Variants in ADCY8 observed in about 807,000 individuals in gnomAD.
ADCY8 encodes the protein adenylate cyclase type 8.
In ADCY8, 51 loss-of-function variants were observed where a neutral mutation model predicts 119.7. The observed-to-expected ratio is 0.43, with a 90% CI of 0.34 to 0.54. ADCY8 has a LOEUF of 0.54. Ranked by LOEUF, ADCY8 falls within the 20% of genes least tolerant of loss-of-function variation. The probability of loss-of-function intolerance (pLI) is 0.03; values close to 1 mark genes in which losing one functional copy is unlikely to be tolerated. For synonymous variants in ADCY8, 665 were observed against 651.0 expected, an observed-to-expected ratio of 1.02 and a Z score of -0.33; for missense variants, 1,383 against 1,598.8, an observed-to-expected ratio of 0.87 and a Z score of 2.30.
intron 9 of ADCY8, among the ~76,000 whole-genome samples, chr8:130,860,984 T>C (rs1255406975): frequency 6.6e-6 from 1 of 152,220 alleles, no homozygotes; most frequent in Non-Finnish European, 1.5e-5. Flanking sequence ...CTCCATGGAA[T>C]TTTCTTAACA....
At chr8:130,950,865 A>G (rs1821248170) in intron 3 of ADCY8, among the ~76,000 whole-genome samples, 1 of 152,016 alleles carries the variant, frequency 6.6e-6, no homozygotes, top group African/African-American at 2.4e-5. Context: ...ATACTCAGCT[A>G]ATTTTTGTAT....
intron 12 of ADCY8, among the ~76,000 whole-genome samples, chr8:130,823,072 T>C (rs166403): frequency 0.84 from 128,279 of 152,136 alleles, 54,412 homozygotes; most frequent in African/African-American, 0.93. Context: ...CTGCTCTGCC[T>C]GGCACTTTGG....
chr8:130,805,952 T>C (rs1815936869), intron 14 of ADCY8, among the ~76,000 whole-genome samples: 1 of 152,166 alleles, frequency 6.6e-6, no homozygotes, highest in Admixed American at 6.5e-5. Context: ...CCCACAATTG[T>C]CTCGAGGTCC....
intron 2 of ADCY8, among the ~76,000 whole-genome samples, chr8:130,975,752 T>G (rs754956559): frequency 2.6e-5 from 4 of 152,212 alleles, no homozygotes; most frequent in African/African-American, 4.8e-5. Context: ...CTAACTCTAT[T>G]GTCTATGTAG....
intron 13 of ADCY8, among the ~76,000 whole-genome samples, chr8:130,821,131 T>C (rs1005151144): frequency 6.6e-6 from 1 of 152,248 alleles, no homozygotes; most frequent in Non-Finnish European, 1.5e-5. Context: ...TTGAAAGAGA[T>C]GTATCCAAAG....
At chr8:130,852,401 A>T (rs774143535) in intron 9 of ADCY8, among the ~76,000 whole-genome samples, 4 of 152,132 alleles carry the variant, frequency 2.6e-5, no homozygotes, top group Non-Finnish European at 5.9e-5. Flanking sequence ...CTTCCCTCCA[A>T]ACAGGCTGGA....
chr8:130,958,382 C>T (rs757414342), intron 2 of ADCY8, among the ~76,000 whole-genome samples: 2 of 152,120 alleles, frequency 1.3e-5, no homozygotes, highest in African/African-American at 4.8e-5. Context: ...CTCGTGGAGA[C>T]CTCCCCTTAT....
intron 2 of ADCY8, among the ~76,000 whole-genome samples, chr8:130,961,998 A>G (rs1405783319): frequency 6.6e-6 from 1 of 152,178 alleles, no homozygotes; most frequent in Non-Finnish European, 1.5e-5. Context: ...ACATTATTAA[A>G]TAGTCTTTAA....
chr8:130,809,856 C>T (rs990938811), intron 14 of ADCY8, among the ~76,000 whole-genome samples: 1 of 152,208 alleles, frequency 6.6e-6, no homozygotes, highest in Non-Finnish European at 1.5e-5. Context: ...TCAGCATACC[C>T]CTGGCTGCTG....
chr8:130,977,125 C>T (rs1291694961), intron 2 of ADCY8, among the ~76,000 whole-genome samples: 1 of 152,206 alleles, frequency 6.6e-6, no homozygotes, highest in African/African-American at 2.4e-5. Context: ...TATCTCCTCA[C>T]ATTGCCTGGA....
At chr8:130,797,210 T>G (rs1434307686) in intron 15 of ADCY8, among the ~76,000 whole-genome samples, 1 of 151,984 alleles carries the variant, frequency 6.6e-6, no homozygotes, top group African/African-American at 2.4e-5. Context: ...TAAACTGTCT[T>G]AAAACATTAT....
chr8:130,868,048 A>C, intron 8 of ADCY8, 102 bp from the exon 9 acceptor site: 1 of 689,472 alleles, frequency 1.5e-6, no homozygotes, highest in Non-Finnish European at 2.3e-6. Context: ...ATTTTTTTTA[A>C]ATTAAGAATA....
intron 13 of ADCY8, among the ~76,000 whole-genome samples, chr8:130,817,114 G>T (rs1346044666): frequency 6.6e-6 from 1 of 152,110 alleles, no homozygotes; most frequent in Non-Finnish European, 1.5e-5. Flanking sequence ...CATTATAGGT[G>T]GTAACAATTG....
intron 1 of ADCY8, among the ~76,000 whole-genome samples, chr8:131,023,628 A>G (rs928621042): frequency 2.6e-5 from 4 of 152,182 alleles, no homozygotes; most frequent in African/African-American, 2.4e-5. Context: ...GAAATTTGAT[A>G]TTTATCTTAC....
intron 2 of ADCY8, among the ~76,000 whole-genome samples, chr8:130,980,964 T>G (rs1419673078): frequency 6.6e-6 from 1 of 152,224 alleles, no homozygotes; most frequent in Non-Finnish European, 1.5e-5. Context: ...GCTAGCTGGT[T>G]CTTTCAAGTC....
intron 12 of ADCY8, among the ~76,000 whole-genome samples, chr8:130,832,124 T>A (rs1177500617): frequency 2.0e-5 from 3 of 152,162 alleles, no homozygotes; most frequent in Admixed American, 1.3e-4. Flanking sequence ...AAACTTGTAC[T>A]CACAAGTATT....
intron 11 of ADCY8, 57 bp downstream of exon 11, chr8:130,847,367 G>T: frequency 7.7e-7 from 1 of 1,303,604 alleles, no homozygotes. Context: ...TTTATTTGGA[G>T]CTGGTAGAGA....
At chr8:130,867,764 C>A in intron 9 of ADCY8, 82 bp downstream of exon 9, 2 of 968,992 alleles carry the variant, frequency 2.1e-6, no homozygotes, top group Non-Finnish European at 1.6e-6. Context: ...AATTCTGATT[C>A]TTTGAAAAGT....
chr8:131,027,337 C>T (rs751000545), intron 1 of ADCY8, among the ~76,000 whole-genome samples: 1 of 152,240 alleles, frequency 6.6e-6, no homozygotes, highest in African/African-American at 2.4e-5. Flanking sequence ...AACAATTGTC[C>T]TAGAAAACAC....
Sources: allele counts gnomAD v4.1 joint callset (sites outside exome capture counted in the v4.1 genomes callset), GRCh38; gene constraint gnomAD v4.1.1; transcripts MANE v1.5; gene names NCBI Gene and HGNC (gene_info 2026-07-23, HGNC 2026-07-21).